The following LIPA variants were observed in gnomAD, a reference collection of about 807,000 sequenced individuals.
LIPA encodes the protein lipase A, lysosomal acid type, also known as lysosomal acid lipase/cholesteryl ester hydrolase.
In LIPA, 26 loss-of-function variants were observed where a neutral mutation model predicts 40.6. That is an observed-to-expected ratio of 0.64 (90% confidence interval 0.47 to 0.89). The LOEUF (loss-of-function observed/expected upper bound fraction) is 0.89, where lower values mean the gene tolerates loss of function less well. Among genes scored for constraint, LIPA ranks in the 40% least tolerant of loss-of-function variants. The pLI is 0.00. For synonymous variants in LIPA, 188 were observed against 168.4 expected (o/e 1.12, Z -0.90); for missense variants, 455 against 479.6 (o/e 0.95, Z 0.48).
intron 2 of LIPA, among the ~76,000 whole-genome samples, chr10:89,364,163 G>A (rs778828724): frequency 6.6e-6 from 1 of 152,126 alleles, no homozygotes; most frequent in Non-Finnish European, 1.5e-5. Context: ...CCACTTTTTG[G>A]CTAATGAACA....
At chr10:89,258,107 T>TGAATAA (rs1213149167) in intron 1 of LIPA, among the ~76,000 whole-genome samples, 1 of 152,158 alleles carries the variant, frequency 6.6e-6, no homozygotes, top group African/African-American at 2.4e-5. Flanking sequence ...ATAAGAATAC[T>TGAATAA]GAATAAGAAT....
At chr10:89,376,585 C>T (rs1361807847) in intron 2 of LIPA, among the ~76,000 whole-genome samples, 2 of 152,136 alleles carry the variant, frequency 1.3e-5, no homozygotes, top group African/African-American at 4.8e-5. Context: ...CACCTGTGAC[C>T]ATGATGGGTC....
Position 89,245,595 on chromosome 10 carries a change from T to G in LIPA, c.229+81A>C. 3.8e-6 allele frequency: 3 copies of G among 794,346 alleles called. No homozygotes were observed. The South Asian group carries it at 4.0e-5, about 11-fold the overall frequency. 49.2% of individuals were successfully genotyped at this position (794,346 alleles called of 1,614,324 possible). A position where few individuals can be genotyped will look rare whatever the true frequency, so the allele number is the denominator to read the frequency against. On this transcript the variant is annotated intron_variant, in intron 3 of 9. Transcript: ENST00000336233. ...GTCTAAAAATAATCCCATTTCAATG[T>G]TTTTAAGTTAAATCTGAACTTGGTT...
chr10:89,226,115 T>G (rs1251918594), intron 5 of LIPA, among the ~76,000 whole-genome samples: 1 of 152,156 alleles, frequency 6.6e-6, no homozygotes, highest in East Asian at 1.9e-4. Flanking sequence ...TAGGAAGCAG[T>G]GGGGCAAAGG....
At chr10:89,386,606 T>C (rs1232064619) in intron 2 of LIPA, among the ~76,000 whole-genome samples, 1 of 152,214 alleles carries the variant, frequency 6.6e-6, no homozygotes, top group African/African-American at 2.4e-5. Context: ...TCTCTACTAA[T>C]TAGAAAACAC....
chr10:89,401,754 C>T (rs959245889), intron 2 of LIPA, among the ~76,000 whole-genome samples: 5 of 149,710 alleles, frequency 3.3e-5, no homozygotes, highest in African/African-American at 9.9e-5. Context: ...TGCAACTTTC[C>T]GTGAATCTGT....
rs147077772 is a variant in LIPA at position 89,349,194 on chromosome 10, G to C, written c.61+63597C>G. ...CAGGAAGATTAAACTTGGTTCACTG[G>C]AGAGAACACTGGAGGTTGACCCCGT... On this transcript the variant is annotated intron_variant, in intron 2 of 8. Transcript: ENST00000371837. Among the ~76,000 whole-genome samples the C allele has an allele frequency of 7.2e-5, 11 of 152,274 alleles. No individual in the cohort carries two copies. The East Asian group carries it at 2.1e-3, about 29-fold the overall frequency.
rs186702973 is a variant in LIPA, at chr10:89,386,226, A to C, written c.61+26565T>G. On this transcript the variant is annotated intron_variant, in intron 2 of 8. Coordinates refer to the LIPA transcript ENST00000371837. ...CACTTCCTACCAAGAATTTTTCAAA[A>C]AACTAGGGAGGCATTTACTACTACA... is the stretch of plus-strand genomic sequence containing the variant. Among the ~76,000 whole-genome samples the C allele has an allele frequency of 3.6e-3, 544 of 152,236 alleles. 7 individuals are homozygous for C. The highest frequency in any genetic ancestry group is 3.8e-3 in the Non-Finnish European group (256 of 68,008).
At chr10:89,291,453 T>C (rs1843374135) in intron 1 of LIPA, among the ~76,000 whole-genome samples, 1 of 152,208 alleles carries the variant, frequency 6.6e-6, no homozygotes, top group Admixed American at 6.5e-5. Context: ...GATTCTTCCA[T>C]GCTGTCTTTT....
intron 2 of LIPA, among the ~76,000 whole-genome samples, chr10:89,388,992 G>A (rs1035526023): frequency 2.0e-5 from 3 of 152,136 alleles, no homozygotes; most frequent in South Asian, 4.1e-4. Context: ...CCATGGATGC[G>A]ACTGGAAGTA....
At chr10:89,307,174 G>A (rs768050459) in intron 1 of LIPA, 2 of 1,613,798 alleles carry the variant, frequency 1.2e-6, no homozygotes. Context: ...AGAAATCAAG[G>A]GAGAAAGAAA....
intron 2 of LIPA, chr10:89,383,977 C>A (rs1481723969): frequency 2.5e-6 from 4 of 1,614,198 alleles, no homozygotes; most frequent in Non-Finnish European, 3.4e-6. Context: ...TATTAGGGTT[C>A]TCCTTGCCCT....
intron 5 of LIPA, among the ~76,000 whole-genome samples, chr10:89,226,461 C>A (rs1474273852): frequency 5.3e-5 from 8 of 152,188 alleles, no homozygotes; most frequent in Admixed American, 5.2e-4. Flanking sequence ...CTACAGTGAA[C>A]ATGCATTACT....
At chr10:89,319,694 C>T (rs910280509) in intron 1 of LIPA, among the ~76,000 whole-genome samples, 1 of 152,196 alleles carries the variant, frequency 6.6e-6, no homozygotes, top group African/African-American at 2.4e-5. Flanking sequence ...AAGAGGGAAT[C>T]CTCCCTAACT....
chr10:89,253,680 A>G (rs1370297938), upstream of LIPA, among the ~76,000 whole-genome samples: 1 of 152,184 alleles, frequency 6.6e-6, no homozygotes, highest in Non-Finnish European at 1.5e-5. Context: ...CATTAACTCA[A>G]AAGTCCATAG....
At chr10:89,322,581 C>A (rs1843577780) in intron 1 of LIPA, among the ~76,000 whole-genome samples, 1 of 143,294 alleles carries the variant, frequency 7.0e-6, no homozygotes, top group African/African-American at 2.5e-5. Context: ...GACCCCACCA[C>A]CGTGCTTCTA....
rs188188516 is a variant in LIPA, at chr10:89,351,095, C to A, written c.61+61696G>T. Among the ~76,000 whole-genome samples the A allele has an allele frequency of 5.0e-4, 76 of 152,260 alleles. 1 individual carries two copies. Among genetic ancestry groups the A allele is most frequent in the South Asian group, 3.1e-3 (15 of 4,824 alleles). ...CTTTGGGAGGCTGAAGTGGGCGGAT[C>A]ACTTGAGCCCAGGAGTTTGAGATCA... On this transcript the variant is annotated intron_variant, in intron 2 of 8. Coordinates refer to the LIPA transcript ENST00000371837.
intron 1 of LIPA, among the ~76,000 whole-genome samples, chr10:89,293,998 A>G (rs2133511056): frequency 6.6e-6 from 1 of 152,342 alleles, no homozygotes; most frequent in East Asian, 1.9e-4. Context: ...GTACTGATGT[A>G]TCTTAAGAGC....
chr10:89,247,411 ATT>A, intron 2 of LIPA, 125 bp downstream of exon 2: 1 of 533,502 alleles, frequency 1.9e-6, no homozygotes, highest in Non-Finnish European at 3.3e-6. Flanking sequence ...AAAAAAAAAA[ATT>A]CAGAGAAATT....
Sources: allele counts gnomAD v4.1 joint callset (sites outside exome capture counted in the v4.1 genomes callset), GRCh38; gene constraint gnomAD v4.1.1; transcripts MANE v1.5; gene names NCBI Gene and HGNC (gene_info 2026-07-23, HGNC 2026-07-21).